The following PRKD1 variants were observed in gnomAD, a reference collection of about 807,000 sequenced individuals.
The protein encoded by PRKD1 is protein kinase D1.
In PRKD1, 63 loss-of-function variants were observed where a neutral mutation model predicts 95.9. The observed-to-expected ratio is 0.66, with a 90% CI of 0.54 to 0.81. PRKD1 has a LOEUF of 0.81. PRKD1 is among the 30% of genes least tolerant of loss of function. The pLI, the probability that PRKD1 is intolerant of heterozygous loss-of-function variation, is 0.00. For synonymous variants in PRKD1, 425 were observed against 423.1 expected (o/e 1.00, Z -0.05); for missense variants, 1,048 against 1,165.3 (o/e 0.90, Z 1.47).
intron 2 of PRKD1, among the ~76,000 whole-genome samples, chr14:29,691,941 T>C (rs1310567296): frequency 6.6e-6 from 1 of 152,150 alleles, no homozygotes; most frequent in African/African-American, 2.4e-5. Context: ...CCAACTACTT[T>C]AGTGAAGAGG....
At chr14:29,827,229 AT>A (rs1037045057) in intron 1 of PRKD1, among the ~76,000 whole-genome samples, 4 of 151,734 alleles carry the variant, frequency 2.6e-5, no homozygotes, top group East Asian at 1.9e-4. Flanking sequence ...CTAGCAAATA[AT>A]TTTTTTTAAA....
At chr14:29,887,385 A>G (rs1893750307) in intron 1 of PRKD1, among the ~76,000 whole-genome samples, 1 of 152,206 alleles carries the variant, frequency 6.6e-6, no homozygotes, top group African/African-American at 2.4e-5. Context: ...ATGTGTGTGT[A>G]TTCAGTGTGT....
At chr14:29,761,780 C>CTTTT (rs751775466) in intron 1 of PRKD1, among the ~76,000 whole-genome samples, 9 of 135,178 alleles carry the variant, frequency 6.7e-5, no homozygotes, top group South Asian at 2.3e-4. Flanking sequence ...GATGTTCTTT[C>CTTTT]TTTTTTTTTT....
intron 1 of PRKD1, among the ~76,000 whole-genome samples, chr14:29,729,122 C>A (rs548817078): frequency 6.6e-6 from 1 of 152,168 alleles, no homozygotes; most frequent in African/African-American, 2.4e-5. Flanking sequence ...TTTTATTCTA[C>A]AAATCGCATT....
At chr14:29,705,615 C>T (rs1028700194) in intron 2 of PRKD1, among the ~76,000 whole-genome samples, 5 of 152,010 alleles carry the variant, frequency 3.3e-5, no homozygotes, top group Non-Finnish European at 5.9e-5. Flanking sequence ...AACCCTGTCA[C>T]TATTAGTAGT....
At chr14:29,611,003 T>C (rs891752906) in intron 13 of PRKD1, among the ~76,000 whole-genome samples, 10 of 152,190 alleles carry the variant, frequency 6.6e-5, no homozygotes, top group East Asian at 1.9e-4. Context: ...ACAGGGATAG[T>C]TGAACATGTG....
At chr14:29,738,758 TTTCC>T (rs141407844) in intron 1 of PRKD1, among the ~76,000 whole-genome samples, 4,531 of 151,164 alleles carry the variant, frequency 0.03, 153 homozygotes, top group East Asian at 0.13. Flanking sequence ...TCTTTCTTTC[TTTCC>T]TTCCTTCCTT....
intron 15 of PRKD1, 130 bp downstream of exon 15, chr14:29,598,897 A>G (rs1210876915): frequency 9.8e-6 from 8 of 816,904 alleles, no homozygotes; most frequent in Non-Finnish European, 2.0e-6. Flanking sequence ...GTAACAAATG[A>G]ATAAAAATGG....
At chr14:29,664,051 T>C (rs1882343541) in intron 3 of PRKD1, among the ~76,000 whole-genome samples, 192 bp from the exon 4 acceptor site, 1 of 152,274 alleles carries the variant, frequency 6.6e-6, no homozygotes, top group South Asian at 2.1e-4. Context: ...AATTCTGATC[T>C]TATTGCACAA....
intron 1 of PRKD1, among the ~76,000 whole-genome samples, chr14:29,842,369 C>G (rs1891888460): frequency 6.6e-6 from 1 of 152,200 alleles, no homozygotes; most frequent in Non-Finnish European, 1.5e-5. Context: ...TTGTTGACAC[C>G]AGCATCACCT....
rs1274583081 is a variant in PRKD1, at chr14:29,599,086, C to T, written c.2107G>A (p.Val703Ile). The T allele has an allele frequency of 8.1e-6, 13 of 1,613,476 alleles. No homozygotes were observed. The highest frequency in any genetic ancestry group is 2.2e-5 in the South Asian group (2 of 91,028). ...ALRHLHFKNIVHCDLKPENVL... is the reference protein window; with the variant it reads ...ALRHLHFKNIIHCDLKPENVL... The stretch of plus-strand genomic sequence containing the variant: ...TTTTCTGGTTTGAGGTCACAGTGAA[C>T]GATATTTTTAAAATGAAGGTGCCGC... The change falls in exon 15 of 18, where the codon GTT becomes ATT. Residue 703 changes from valine (V) to isoleucine (I), a missense_variant. By Grantham distance (29) the Val-to-Ile change is conservative. Around this residue, in one of 3 missense-constraint regions of PRKD1, gnomAD observed 739 missense variants for 861.9 expected, o/e 0.86. Transcript: ENST00000331968.
chr14:29,632,965 C>T lies in PRKD1; in HGVS notation c.1315-19G>A, dbSNP rs763483559. 1 of 1,599,456 alleles carries T rather than the reference C, an allele frequency of 6.3e-7. No individual in the cohort carries two copies. The highest frequency in any genetic ancestry group is 8.6e-7 in the Non-Finnish European group (1 of 1,167,106). On this transcript the variant is annotated intron_variant, in intron 8 of 17. Coordinates refer to ENST00000331968, the MANE Select transcript of PRKD1 (RefSeq NM_002742.3). ...GTTTCCGCTGAAACAGAAGTTAGAT[C>T]CAAGATCTTTTTAAAAAACTTTAAA... is the stretch of plus-strand genomic sequence containing the variant.
intron 1 of PRKD1, among the ~76,000 whole-genome samples, chr14:29,833,883 G>A (rs750381980): frequency 2.0e-5 from 3 of 150,840 alleles, no homozygotes; most frequent in East Asian, 1.9e-4. Flanking sequence ...AGACAGCAGC[G>A]AGCCTGAAAA....
intron 13 of PRKD1, among the ~76,000 whole-genome samples, chr14:29,620,945 G>A (rs1351076798): frequency 6.6e-6 from 1 of 151,928 alleles, no homozygotes; most frequent in African/African-American, 2.4e-5. Flanking sequence ...AACAATGATA[G>A]ACTGGATTAA....
Position 29,782,859 on chromosome 14 carries a change from T to A in PRKD1, c.265-57185A>T, listed in dbSNP as rs554672509. Among the ~76,000 whole-genome samples the A allele has an allele frequency of 9.8e-5, 15 of 152,340 alleles. No individual in the cohort carries two copies. In the East Asian group the frequency reaches 1.3e-3, roughly 14 times the overall value. On this transcript the variant is annotated intron_variant, in intron 1 of 17. Coordinates refer to ENST00000331968, the MANE Select transcript of PRKD1 (RefSeq NM_002742.3). ...GCCCCTGGCCCAAATTGTTTTTTAC[T>A]GCACATATCTGATGCAGAAATTTTC... is the stretch of plus-strand genomic sequence containing the variant.
intron 16 of PRKD1, among the ~76,000 whole-genome samples, chr14:29,588,694 A>G (rs1893018007): frequency 6.6e-6 from 1 of 152,012 alleles, no homozygotes; most frequent in Non-Finnish European, 1.5e-5. Flanking sequence ...CCATAATCTG[A>G]TAATTTTGCC....
intron 1 of PRKD1, among the ~76,000 whole-genome samples, chr14:29,790,007 CTTTTTTTTT>C (rs34880091): frequency 5.1e-5 from 5 of 97,314 alleles, no homozygotes; most frequent in African/African-American, 8.5e-5. Flanking sequence ...AGCAAGTTGT[CTTTTTTTTT>C]TTTTTTTTTT....
At position 29,725,600 on chromosome 14, in the gene PRKD1, G is replaced by A; in HGVS notation, c.339C>T (p.Ile113=). The A allele has an allele frequency of 6.2e-6, 10 of 1,613,810 alleles. No individual in the cohort carries two copies. Among genetic ancestry groups the A allele is most frequent in the Non-Finnish European group, 8.5e-6 (10 of 1,179,780 alleles). Reference sequence around the variant, plus strand: ...CACTGGCCGCTTTCACCAGCTGAAGGATGTTTTCAGAGGTAGGGTCATGGC... The same window carrying A: ...CACTGGCCGCTTTCACCAGCTGAAGAATGTTTTCAGAGGTAGGGTCATGGC... The part of the protein sequence containing the change: ...LFRHDPTSEN[I]LQLVKAASDI... Residue 113 remains isoleucine, a synonymous_variant, in exon 2 of 18, where the codon ATC becomes ATT. Coordinates refer to ENST00000331968, the MANE Select transcript of PRKD1 (RefSeq NM_002742.3).
intron 3 of PRKD1, among the ~76,000 whole-genome samples, chr14:29,665,431 C>T (rs919000666): frequency 6.6e-6 from 1 of 152,136 alleles, no homozygotes. Context: ...ACTGTGTGTG[C>T]CCCTGTGTAC....
Sources: allele counts gnomAD v4.1 joint callset (sites outside exome capture counted in the v4.1 genomes callset), GRCh38; gene constraint gnomAD v4.1.1; regional missense constraint gnomAD v4.1.1; transcripts MANE v1.5; gene names NCBI Gene and HGNC (gene_info 2026-07-23, HGNC 2026-07-21).